The following ARSK variants were observed in gnomAD, a reference collection of about 807,000 sequenced individuals.
ARSK encodes the protein arylsulfatase family member K, also known as arylsulfatase K.
Under a neutral mutation model 53.2 loss-of-function variants are expected in ARSK, and 37 were observed. That is an observed-to-expected ratio of 0.70 (90% CI 0.54 to 0.92). The LOEUF (loss-of-function observed/expected upper bound fraction) is 0.92. ARSK is among the 40% of genes least tolerant of loss of function. The pLI is 0.00. For missense variants in ARSK, 613 were observed against 643.0 expected (o/e 0.95, Z 0.51); for synonymous variants, 208 against 223.2 (o/e 0.93, Z 0.61).
chr5:95,585,068 A>G (rs1749089920), intron 4 of ARSK, among the ~76,000 whole-genome samples: 1 of 152,168 alleles, frequency 6.6e-6, no homozygotes, highest in Admixed American at 6.6e-5. Context: ...TGGCCAACAA[A>G]TATATGAGAA....
intron 1 of ARSK, among the ~76,000 whole-genome samples, chr5:95,563,042 T>G (rs902141010): frequency 2.0e-5 from 3 of 152,250 alleles, no homozygotes; most frequent in Admixed American, 6.5e-5. Flanking sequence ...GAATGAAATA[T>G]TCTACTGACC....
intron 5 of ARSK, 95 bp downstream of exon 5, chr5:95,586,828 G>A (rs1444259112): frequency 1.9e-6 from 2 of 1,053,930 alleles, no homozygotes; most frequent in Non-Finnish European, 2.6e-6. Context: ...TTCTTACAAA[G>A]TTGCTTATAA....
chr5:95,586,701 A>T lies in ARSK; in HGVS notation c.839A>T (p.Tyr280Phe), dbSNP rs200586202. ...KEIKNIRAFY[Y>F]AMCAETDAML... The stretch of plus-strand genomic sequence containing the variant: ...ATTAAGAATATTAGAGCATTTTATT[A>T]TGCTATGTGTGCTGAGACAGATGCC... Residue 280 changes from tyrosine to phenylalanine, a missense_variant, in exon 5 of 8, where the codon TAT becomes TTT. Tyr to Phe is a conservative substitution (Grantham distance 22). Coordinates refer to ENST00000380009, the MANE Select transcript of ARSK (RefSeq NM_198150.3). 6.2e-7 allele frequency: 1 copy of T among 1,611,176 alleles called. No individual in the cohort carries two copies. Among genetic ancestry groups the T allele is most frequent in the East Asian group, 2.2e-5 (1 of 44,734 alleles).
chr5:95,603,412 T>C lies in ARSK; in HGVS notation c.1497T>C (p.Tyr499=), dbSNP rs1475620374. ...IKWKQSIGQN[Y]SNVIANLRWH... is the part of the protein sequence containing the mutation. ...GGAAACAAAGTATAGGACAGAATTA[T>C]TCAAACGTTATAGCAAATCTTAGGT... Residue 499 remains tyrosine (Y), a synonymous_variant, in exon 8 of 8, where the codon TAT becomes TAC. Coordinates refer to ENST00000380009, the MANE Select transcript of ARSK (RefSeq NM_198150.3). 6.2e-7 allele frequency: 1 copy of C among 1,613,872 alleles called. No homozygotes were observed.
rs1561357656 is a variant in ARSK, at chr5:95,555,432, GC to G, written c.126+32del. The G allele has an allele frequency of 6.3e-7, 1 of 1,578,578 alleles. No individual in the cohort carries two copies. The highest frequency in any genetic ancestry group is 1.8e-5 in the Admixed American group (1 of 56,646). The stretch of plus-strand genomic sequence containing the variant: ...AAGTACCGCGAGGCAGGGGAGGGGC[GC>G]CCCGCTGGGGATCGGCGACCTCACC... On this transcript the variant is annotated intron_variant, in intron 1 of 7. Transcript: ENST00000380009. This position sits in a 1 kb window ranked among gnomAD's most constrained non-coding sequence, Gnocchi z 4.0.
At chr5:95,579,627 T>C (rs553278327) in intron 3 of ARSK, among the ~76,000 whole-genome samples, 1 of 152,350 alleles carries the variant, frequency 6.6e-6, no homozygotes, top group Non-Finnish European at 1.5e-5. Flanking sequence ...GTAGCAAGGA[T>C]ATAAAGAACT....
chr5:95,563,276 A>G (rs1748671309), intron 1 of ARSK, among the ~76,000 whole-genome samples: 1 of 152,246 alleles, frequency 6.6e-6, no homozygotes, highest in Non-Finnish European at 1.5e-5. Flanking sequence ...AAATTTTGCA[A>G]TTGATATGCT....
At chr5:95,585,876 A>G (rs977454759) in intron 4 of ARSK, among the ~76,000 whole-genome samples, 1 of 152,220 alleles carries the variant, frequency 6.6e-6, no homozygotes, top group African/African-American at 2.4e-5. Flanking sequence ...TAAAGAAAAT[A>G]ATGCCAGTGT....
At chr5:95,591,320 G>A (rs371370063) in intron 5 of ARSK, 81 bp from the exon 6 acceptor site, 87 of 1,165,160 alleles carry the variant, frequency 7.5e-5, no homozygotes, top group Middle Eastern at 5.4e-4. Flanking sequence ...CTCTTATAGG[G>A]TAGAGTGGTT....
chr5:95,596,703 A>G (rs937128476), intron 6 of ARSK, among the ~76,000 whole-genome samples: 2 of 152,154 alleles, frequency 1.3e-5, no homozygotes, highest in African/African-American at 2.4e-5. Context: ...TCTACCTTCA[A>G]TAGAAAGAAA....
At chr5:95,557,745 GGAA>G (rs1748550134) in intron 1 of ARSK, among the ~76,000 whole-genome samples, 1 of 152,184 alleles carries the variant, frequency 6.6e-6, no homozygotes, top group South Asian at 2.1e-4. Context: ...AATAATTGTA[GGAA>G]GAAAATAGCA....
chr5:95,605,085 T>G lies in ARSK; in HGVS notation c.*1559T>G, dbSNP rs1749484796. On this transcript the variant is annotated 3_prime_UTR_variant, in exon 8 of 8. Transcript: ENST00000380009. Reference sequence around the variant, plus strand: ...ATTTACAGATCTTTGCTTTTGTGGCTTTTGGGATTTTGTATCATATTTAGA... The same window carrying G: ...ATTTACAGATCTTTGCTTTTGTGGCGTTTGGGATTTTGTATCATATTTAGA... The G allele has an allele frequency of 6.6e-6, 1 of 152,252 alleles. No homozygotes were observed. The highest frequency in any genetic ancestry group is 1.5e-5 in the Non-Finnish European group (1 of 68,048). 9.4% of individuals were successfully genotyped at this position (152,252 alleles called of 1,614,324 possible).
intron 1 of ARSK, among the ~76,000 whole-genome samples, chr5:95,558,750 C>T (rs563004576): frequency 1.3e-5 from 2 of 152,302 alleles, no homozygotes; most frequent in South Asian, 2.1e-4. Flanking sequence ...CAGACCCAAA[C>T]GGTTTCACTG....
chr5:95,598,854 T>A (rs934265212), intron 6 of ARSK, among the ~76,000 whole-genome samples: 9 of 152,170 alleles, frequency 5.9e-5, no homozygotes, highest in African/African-American at 2.2e-4. Context: ...CACTTGCTAT[T>A]CCCCTGGGGG....
chr5:95,584,829 G>A (rs1256889767), intron 4 of ARSK, among the ~76,000 whole-genome samples: 9 of 152,088 alleles, frequency 5.9e-5, no homozygotes, highest in South Asian at 2.1e-4. Context: ...AGACCAACAC[G>A]GTGAAACCCT....
Position 95,603,554 on chromosome 5 carries a change from A to T in ARSK, c.*28A>T. 1 of 1,503,532 alleles carries T rather than the reference A, an allele frequency of 6.7e-7. No homozygotes were observed. Among genetic ancestry groups the T allele is most frequent in the Non-Finnish European group, 8.9e-7 (1 of 1,119,278 alleles). The allele number at this position is 1,503,532 out of a possible 1,614,324, so 93.1% of individuals were successfully genotyped here. A position where few individuals can be genotyped will look rare whatever the true frequency, so the allele number is the denominator to read the frequency against. On this transcript the variant is annotated 3_prime_UTR_variant, in exon 8 of 8. Transcript: ENST00000380009. ...AAAAAGTTTAAAAATAGTGTTCTAG[A>T]GATACATATAAATATATTACAAGAT...
chr5:95,565,031 A>G (rs1327520311), intron 1 of ARSK, among the ~76,000 whole-genome samples: 1 of 152,194 alleles, frequency 6.6e-6, no homozygotes, highest in Admixed American at 6.5e-5. Context: ...TATCTCAAGG[A>G]TTTAGATATA....
At position 95,567,772 on chromosome 5, in the gene ARSK, A is replaced by C. The variant is rs114395887; in HGVS notation, c.257-118A>C. 324 of 918,904 alleles carry C rather than the reference A, an allele frequency of 3.5e-4. 2 individuals carry two copies. The African/African-American group carries it at 5.0e-3, about 14-fold the overall frequency. The allele number at this position is 918,904 out of a possible 1,614,324, so 56.9% of individuals were successfully genotyped here. On this transcript the variant is annotated intron_variant, in intron 2 of 7. Coordinates refer to ENST00000380009, the MANE Select transcript of ARSK (RefSeq NM_198150.3). ...GTTTGGTAAGGCACCTAATCTGGGT[A>C]CGTCTTACTGCAGAGCATAAGCTCT...
At chr5:95,584,053 A>G (rs889872098) in intron 4 of ARSK, among the ~76,000 whole-genome samples, 2 of 152,112 alleles carry the variant, frequency 1.3e-5, no homozygotes, top group African/African-American at 4.8e-5. Context: ...CAGCTCCGCT[A>G]TTTCTTCTAT....
Sources: allele counts gnomAD v4.1 joint callset (sites outside exome capture counted in the v4.1 genomes callset), GRCh38; gene constraint gnomAD v4.1.1; non-coding constraint Gnocchi (gnomAD v3.1); transcripts MANE v1.5; gene names NCBI Gene and HGNC (gene_info 2026-07-23, HGNC 2026-07-21).